Variants in ENOX1 observed in about 807,000 individuals in gnomAD.
ENOX1 encodes the protein ecto-NOX disulfide-thiol exchanger 1, also known as candidate growth-related and time keeping constitutive hydroquinone (NADH) oxidase.
In ENOX1, 42 loss-of-function variants were observed where a neutral mutation model predicts 82.5. That is an observed-to-expected ratio of 0.51 (90% CI 0.40 to 0.66). The LOEUF (loss-of-function observed/expected upper bound fraction) is 0.66. ENOX1 is among the 30% of genes least tolerant of loss of function. The pLI, the probability that ENOX1 is intolerant of heterozygous loss-of-function variation, is 0.00. For synonymous variants in ENOX1, 271 were observed against 282.2 expected, an observed-to-expected ratio of 0.96 and a Z score of 0.40; for missense variants, 608 against 811.6, an observed-to-expected ratio of 0.75 and a Z score of 3.05.
intron 2 of ENOX1, among the ~76,000 whole-genome samples, chr13:43,515,760 C>T (rs968667469): frequency 5.9e-5 from 9 of 152,152 alleles, no homozygotes; most frequent in African/African-American, 7.2e-5. Context: ...AGCAACTGCT[C>T]GTGGAAATCT....
At chr13:43,612,758 C>T (rs577853078) in intron 2 of ENOX1, among the ~76,000 whole-genome samples, 129 of 152,254 alleles carry the variant, frequency 8.5e-4, no homozygotes, top group African/African-American at 3.1e-3. Flanking sequence ...AAATCAGTAG[C>T]AAGCATTATG....
At position 43,351,841 on chromosome 13, in the gene ENOX1, G is replaced by A. The variant is rs61950476; in HGVS notation, c.823+4078C>T. Among the ~76,000 whole-genome samples, 722 of 151,686 alleles carry A rather than the reference G, an allele frequency of 4.8e-3. 7 individuals carry two copies. The highest frequency in any genetic ancestry group is 0.017 in the African/African-American group (687 of 41,324). On this transcript the variant is annotated intron_variant, in intron 8 of 16. Transcript: ENST00000690772. ...CAGTCTATCATTGTTGGACATTTGG[G>A]TTGGTTCCAAGTCTTTGCTATTGTG...
At chr13:43,360,201 C>T in intron 6 of ENOX1, 144 bp from the exon 7 acceptor site, 3 of 729,294 alleles carry the variant, frequency 4.1e-6, no homozygotes, top group African/African-American at 1.8e-5. Context: ...TGATCCCAGG[C>T]TGTCTTGTTT....
chr13:43,776,050 G>C (rs1459678184), intron 1 of ENOX1, among the ~76,000 whole-genome samples: 1 of 152,178 alleles, frequency 6.6e-6, no homozygotes, highest in Non-Finnish European at 1.5e-5. Flanking sequence ...GGTGGAGGAG[G>C]CTGATAATAC....
intron 6 of ENOX1, among the ~76,000 whole-genome samples, chr13:43,360,681 A>T (rs530212184): frequency 5.3e-5 from 8 of 150,242 alleles, no homozygotes; most frequent in Non-Finnish European, 1.0e-4. Flanking sequence ...AAGTCCACTT[A>T]AAAAAGGCAA....
chr13:43,701,821 T>C (rs564479105), intron 1 of ENOX1, among the ~76,000 whole-genome samples: 1 of 152,328 alleles, frequency 6.6e-6, no homozygotes, highest in Admixed American at 6.5e-5. Context: ...TTATACAGAC[T>C]ACAGACCTTA....
chr13:43,612,407 T>C (rs1263882959), intron 2 of ENOX1, among the ~76,000 whole-genome samples: 1 of 152,124 alleles, frequency 6.6e-6, no homozygotes, highest in African/African-American at 2.4e-5. Context: ...TCTTGATAAT[T>C]GAGAAAGATC....
intron 2 of ENOX1, among the ~76,000 whole-genome samples, chr13:43,616,146 C>CTATAGA (rs2082430918): frequency 7.3e-5 from 4 of 55,084 alleles, no homozygotes; most frequent in African/African-American, 1.9e-4. Flanking sequence ...ATCTAGATAT[C>CTATAGA]TATATAGATA....
intron 5 of ENOX1, among the ~76,000 whole-genome samples, chr13:43,361,812 GAAGAA>G (rs2050528372): frequency 6.6e-6 from 1 of 152,066 alleles, no homozygotes; most frequent in Admixed American, 6.5e-5. Context: ...CAGAATATGG[GAAGAA>G]TATCATTTAA....
At chr13:43,521,955 G>A (rs2077787786) in intron 2 of ENOX1, among the ~76,000 whole-genome samples, 1 of 152,150 alleles carries the variant, frequency 6.6e-6, no homozygotes, top group African/African-American at 2.4e-5. Flanking sequence ...TGCAGAAACT[G>A]TATAGAATCA....
intron 2 of ENOX1, among the ~76,000 whole-genome samples, chr13:43,624,851 T>C (rs184621116): frequency 6.6e-6 from 1 of 152,066 alleles, no homozygotes; most frequent in East Asian, 1.9e-4. Context: ...TTTTTAAAAA[T>C]TGTTCAAAAT....
chr13:43,755,098 T>C (rs1425894417), intron 1 of ENOX1, among the ~76,000 whole-genome samples: 1 of 150,124 alleles, frequency 6.7e-6, no homozygotes, highest in Non-Finnish European at 1.5e-5. Context: ...AAAAAAAAGA[T>C]ACCATTGTTA....
chr13:43,610,728 G>A (rs2082164417), intron 2 of ENOX1, among the ~76,000 whole-genome samples: 1 of 130,100 alleles, frequency 7.7e-6, no homozygotes, highest in Non-Finnish European at 1.6e-5. Context: ...TTACTTTCAT[G>A]TTGTTAAAAC....
intron 5 of ENOX1, among the ~76,000 whole-genome samples, chr13:43,389,850 T>C (rs954585703): frequency 1.3e-5 from 2 of 152,174 alleles, no homozygotes; most frequent in Admixed American, 6.5e-5. Flanking sequence ...GCCAAGACAG[T>C]AGGGTCTACG....
chr13:43,414,357 A>G (rs1199077691), intron 3 of ENOX1, among the ~76,000 whole-genome samples: 1 of 152,214 alleles, frequency 6.6e-6, no homozygotes, highest in Non-Finnish European at 1.5e-5. Flanking sequence ...TCATCATCCA[A>G]CAGTGAATGA....
At chr13:43,349,147 T>C (rs1344092349) in intron 8 of ENOX1, among the ~76,000 whole-genome samples, 4 of 152,198 alleles carry the variant, frequency 2.6e-5, no homozygotes, top group Non-Finnish European at 4.4e-5. Context: ...TTAAATTTCA[T>C]GTCAAAGAGT....
intron 9 of ENOX1, among the ~76,000 whole-genome samples, chr13:43,338,690 T>TG (rs1201549764): frequency 7.3e-6 from 1 of 137,818 alleles, no homozygotes; most frequent in Non-Finnish European, 1.6e-5. Context: ...TTTTTTTTTT[T>TG]TTTTTTTTTT....
In ENOX1 at chr13:43,383,629, T is replaced by C. The variant is rs1469751852; in HGVS notation, c.209-22177A>G. Among the ~76,000 whole-genome samples, 5 of 152,178 alleles carry C rather than the reference T, an allele frequency of 3.3e-5. No homozygotes were observed. The East Asian group carries it at 5.8e-4, about 18-fold the overall frequency. ...ATTTACTCAAAGGCGACAGACCCCA[T>C]GGTACTCTCCACAAAGACTTCCCTC... is the stretch of plus-strand genomic sequence containing the variant. On this transcript the variant is annotated intron_variant, in intron 5 of 16. Transcript: ENST00000690772.
intron 3 of ENOX1, among the ~76,000 whole-genome samples, chr13:43,444,903 A>T (rs2056544552): frequency 6.6e-6 from 1 of 152,168 alleles, no homozygotes; most frequent in Non-Finnish European, 1.5e-5. Context: ...GCCACGAGGC[A>T]GGGGGCAGAA....
Sources: allele counts gnomAD v4.1 joint callset (sites outside exome capture counted in the v4.1 genomes callset), GRCh38; gene constraint gnomAD v4.1.1; transcripts MANE v1.5; gene names NCBI Gene and HGNC (gene_info 2026-07-23, HGNC 2026-07-21).